Variants in DYNC2H1 observed in about 807,000 individuals in gnomAD.
DYNC2H1 encodes dynein cytoplasmic 2 heavy chain 1, also known as cytoplasmic dynein 2 heavy chain 1.
DYNC2H1 carries 410 observed loss-of-function variants against 570.0 expected under a neutral mutation model. That is an observed-to-expected ratio of 0.72 (90% CI 0.66 to 0.78). The LOEUF (loss-of-function observed/expected upper bound fraction) is 0.78, where lower values mean the gene tolerates loss of function less well. Ranked by LOEUF, DYNC2H1 falls within the 30% of genes least tolerant of loss-of-function variation. The pLI, the probability that DYNC2H1 is intolerant of heterozygous loss-of-function variation, is 0.00. For synonymous variants in DYNC2H1, 1,688 were observed against 1,677.6 expected, an observed-to-expected ratio of 1.01 and a Z score of -0.15; for missense variants, 4,865 against 5,046.4, an observed-to-expected ratio of 0.96 and a Z score of 1.09.
chr11:103,153,654 A>AGGAGTTGT, intron 22 of DYNC2H1, 146 bp downstream of exon 22: 1 of 793,804 alleles, frequency 1.3e-6, no homozygotes, highest in South Asian at 1.7e-5. Flanking sequence ...GCATTCATAT[A>AGGAGTTGT]CTGTTGTCTT....
intron 68 of DYNC2H1, 73 bp from the exon 69 acceptor site, chr11:103,257,535 G>C (rs1444658922): frequency 1.3e-5 from 18 of 1,403,306 alleles, no homozygotes; most frequent in Non-Finnish European, 1.4e-5. Flanking sequence ...GTGCATTGTA[G>C]TCTTTAGGTG....
At chr11:103,356,820 G>A (rs1213574648) in intron 82 of DYNC2H1, among the ~76,000 whole-genome samples, 1 of 152,150 alleles carries the variant, frequency 6.6e-6, no homozygotes, top group East Asian at 1.9e-4. Flanking sequence ...CATTCTGAAA[G>A]ATTTATGGCC....
At chr11:103,422,717 C>A (rs1036822669) in intron 84 of DYNC2H1, among the ~76,000 whole-genome samples, 1 of 152,020 alleles carries the variant, frequency 6.6e-6, no homozygotes, top group East Asian at 1.9e-4. Context: ...TATGACAAAC[C>A]CATAGTGATG....
rs552807825 is a variant in DYNC2H1, at chr11:103,392,531, G to A, written c.12157-7132G>A. On this transcript the variant is annotated intron_variant, in intron 83 of 88. Transcript: ENST00000375735. ...CGACAATCCGCAGTGAGATGAACCCGGTACCTCAGCTGGAAATGCAGAAAT... is the reference window on the plus strand; with the variant it reads ...CGACAATCCGCAGTGAGATGAACCCAGTACCTCAGCTGGAAATGCAGAAAT... Among the ~76,000 whole-genome samples the A allele has an allele frequency of 1.0e-3, 156 of 152,316 alleles. 2 individuals carry two copies. In the South Asian group the frequency reaches 0.03, roughly 30 times the overall value.
chr11:103,219,918 G>C lies in DYNC2H1; in HGVS notation c.8836G>C (p.Ala2946Pro). The stretch of plus-strand genomic sequence containing the variant: ...TGCCACTTAAATATTCTTATAGGAT[G>C]CTAGTGAGCAAAAAACAGAACTTGA... ...LQMITVSMQD[A>P]SEQKTELERL... The change falls in exon 56 of 89, where the codon GCT becomes CCT. Residue 2946 changes from alanine (A) to proline (P), a missense_variant. By Grantham distance (27) the Ala-to-Pro change is conservative. Transcript: ENST00000375735. 1 of 1,508,872 alleles carries C rather than the reference G, an allele frequency of 6.6e-7. No individual in the cohort carries two copies. Among genetic ancestry groups the C allele is most frequent in the Non-Finnish European group, 8.8e-7 (1 of 1,130,698 alleles). 93.5% of individuals were successfully genotyped at this position (1,508,872 alleles called of 1,614,324 possible).
chr11:103,283,226 A>T, intron 73 of DYNC2H1, 141 bp downstream of exon 73: 1 of 537,490 alleles, frequency 1.9e-6, no homozygotes, highest in Non-Finnish European at 3.2e-6. Flanking sequence ...GTTACCAAAG[A>T]ATTATTGTAA....
At chr11:103,142,805 C>A (rs1860024621) in intron 17 of DYNC2H1, among the ~76,000 whole-genome samples, 1 of 152,186 alleles carries the variant, frequency 6.6e-6, no homozygotes, top group African/African-American at 2.4e-5. Flanking sequence ...TATATCATCC[C>A]AACTAACTTT....
Position 103,189,356 on chromosome 11 carries a change from T to C in DYNC2H1, c.7293-316T>C, listed in dbSNP as rs1375684754. ...ATTACTGCCCTGTGTACAGACCTTA[T>C]GTAACTCAAAAATGCTTTTCAAAAG... On this transcript the variant is annotated intron_variant, in intron 44 of 88. Transcript: ENST00000375735. This position sits in a 1 kb window ranked among gnomAD's most constrained non-coding sequence, Gnocchi z 4.3. 6.6e-6 allele frequency among the ~76,000 whole-genome samples: 1 copy of C among 152,162 alleles called. No homozygotes were observed. Among genetic ancestry groups the C allele is most frequent in the Non-Finnish European group, 1.5e-5 (1 of 68,018 alleles).
At chr11:103,148,725 A>AT in intron 20 of DYNC2H1, 108 bp downstream of exon 20, 2 of 1,331,944 alleles carry the variant, frequency 1.5e-6, no homozygotes, top group Non-Finnish European at 2.0e-6. Flanking sequence ...TCAACATTAT[A>AT]AGGAGGTCCA....
At chr11:103,159,517 T>C (rs1014274453) in intron 28 of DYNC2H1, among the ~76,000 whole-genome samples, 2 of 152,104 alleles carry the variant, frequency 1.3e-5, no homozygotes, top group African/African-American at 4.8e-5. Flanking sequence ...GAGTCATCCA[T>C]ATAGAAATAA....
intron 83 of DYNC2H1, among the ~76,000 whole-genome samples, chr11:103,361,043 C>T (rs551357238): frequency 1.4e-4 from 21 of 152,150 alleles, no homozygotes; most frequent in African/African-American, 5.1e-4. Flanking sequence ...AAATGTTTGG[C>T]GCATTCAATA....
Position 103,200,043 on chromosome 11 carries a change from C to A in DYNC2H1, c.8089-3C>A, listed in dbSNP as rs1229906788. 7 of 1,568,820 alleles carry A rather than the reference C, an allele frequency of 4.5e-6. No individual in the cohort carries two copies. The highest frequency in any genetic ancestry group is 6.1e-6 in the Non-Finnish European group (7 of 1,153,886). On this transcript the variant is annotated splice_polypyrimidine_tract_variant and splice_region_variant and intron_variant, in intron 49 of 88. Transcript: ENST00000375735. ...CACTAAAAAATATTTTCTGATTTTG[C>A]AGGTGCTGCAACTTGCAGGAATTGA...
In DYNC2H1 at chr11:103,297,726, T is replaced by C. The variant is rs144983394; in HGVS notation, c.11096-5367T>C. ...TTATGCAGCTCATGTAATTCTTTCC[T>C]CTCTTTTCTTTCTTTCTATACTCAA... On this transcript the variant is annotated intron_variant, in intron 75 of 88. Transcript: ENST00000375735. Among the ~76,000 whole-genome samples, 352 of 152,238 alleles carry C rather than the reference T, an allele frequency of 2.3e-3. 2 individuals are homozygous for C. The highest frequency in any genetic ancestry group is 0.013 in the South Asian group (65 of 4,828).
chr11:103,399,603 G>C, intron 83 of DYNC2H1, 60 bp from the exon 84 acceptor site: 1 of 1,204,506 alleles, frequency 8.3e-7, no homozygotes, highest in East Asian at 2.4e-5. Context: ...GTTTCAAAGC[G>C]TTTTATATAT....
chr11:103,191,642 T>TTGTG (rs146014868), intron 46 of DYNC2H1, 23 bp downstream of exon 46: 1,096 of 1,366,888 alleles, frequency 8.0e-4, no homozygotes, highest in Non-Finnish European at 8.8e-4. Flanking sequence ...AGTGTGTATC[T>TTGTG]TGTGTGTGTG....
intron 84 of DYNC2H1, among the ~76,000 whole-genome samples, chr11:103,435,065 C>G (rs1324607054): frequency 6.6e-6 from 1 of 152,080 alleles, no homozygotes; most frequent in African/African-American, 2.4e-5. Flanking sequence ...ACAGTTCTGG[C>G]ACTTATCTAT....
chr11:103,373,410 T>C (rs570440170), intron 83 of DYNC2H1, among the ~76,000 whole-genome samples: 2 of 152,282 alleles, frequency 1.3e-5, no homozygotes, highest in East Asian at 3.9e-4. Flanking sequence ...TTGAGTCTTC[T>C]TTTTTTCTTA....
intron 47 of DYNC2H1, 93 bp from the exon 48 acceptor site, chr11:103,197,840 T>G (rs1862561319): frequency 7.4e-7 from 1 of 1,358,440 alleles, no homozygotes; most frequent in East Asian, 2.5e-5. Context: ...TTATTTGGAT[T>G]ATTAACTTAA....
rs1862650872 is a variant in DYNC2H1 at position 103,199,957 on chromosome 11, G to T, written c.8089-89G>T. On this transcript the variant is annotated intron_variant, in intron 49 of 88. Coordinates refer to ENST00000375735, the MANE Select transcript of DYNC2H1 (RefSeq NM_001377.3). The surrounding 1 kb of genome is among the most constrained non-coding windows in gnomAD (Gnocchi z 4.6). ...ATGAATAAATAAACACATGATACTG[G>T]CATACTTTACATACAAATACAAAAT... 1 of 787,700 alleles carries T rather than the reference G, an allele frequency of 1.3e-6. No homozygotes were observed. The highest frequency in any genetic ancestry group is 1.8e-5 in the African/African-American group (1 of 56,828). 48.8% of individuals were successfully genotyped at this position (787,700 alleles called of 1,614,324 possible). A position where few individuals can be genotyped will look rare whatever the true frequency, so the allele number is the denominator to read the frequency against.
Sources: allele counts gnomAD v4.1 joint callset (sites outside exome capture counted in the v4.1 genomes callset), GRCh38; gene constraint gnomAD v4.1.1; non-coding constraint Gnocchi (gnomAD v3.1); transcripts MANE v1.5; gene names NCBI Gene and HGNC (gene_info 2026-07-23, HGNC 2026-07-21).